GRID1: variants seen among roughly 807,000 people sequenced by gnomAD.
The protein encoded by GRID1 is glutamate ionotropic receptor delta type subunit 1.
Under a neutral mutation model 98.0 loss-of-function variants are expected in GRID1, and 28 were observed. That is an observed-to-expected ratio of 0.29 (90% CI 0.21 to 0.39). GRID1 has a LOEUF of 0.39. Among genes scored for constraint, GRID1 ranks in the 10% least tolerant of loss-of-function variants. The pLI is 1.00. For synonymous variants in GRID1, 553 were observed against 538.5 expected (o/e 1.03, Z -0.37); for missense variants, 1,111 against 1,340.5 (o/e 0.83, Z 2.67).
intron 8 of GRID1, among the ~76,000 whole-genome samples, chr10:85,781,216 T>A (rs1195204113): frequency 6.6e-6 from 1 of 152,170 alleles, no homozygotes; most frequent in African/African-American, 2.4e-5. Context: ...AGAACCCAAT[T>A]TTAAAAAATC....
At chr10:86,037,955 G>A (rs1388923354) in intron 4 of GRID1, among the ~76,000 whole-genome samples, 1 of 151,972 alleles carries the variant, frequency 6.6e-6, no homozygotes, top group Non-Finnish European at 1.5e-5. Context: ...TTAAAGAGGT[G>A]GTTAAGTTAA....
At chr10:85,753,266 A>C (rs1024496190) in intron 8 of GRID1, among the ~76,000 whole-genome samples, 2 of 152,204 alleles carry the variant, frequency 1.3e-5, no homozygotes, top group African/African-American at 4.8e-5. Context: ...TGAAAATTAA[A>C]ATAAGTGGTC....
intron 3 of GRID1, among the ~76,000 whole-genome samples, chr10:86,168,202 T>G (rs1336934276): frequency 6.6e-6 from 1 of 152,230 alleles, no homozygotes; most frequent in Non-Finnish European, 1.5e-5. Flanking sequence ...AGCGTGGACC[T>G]TCGAGTCTAA....
At chr10:85,781,820 C>T (rs1216962180) in intron 8 of GRID1, among the ~76,000 whole-genome samples, 1 of 143,810 alleles carries the variant, frequency 7.0e-6, no homozygotes, top group East Asian at 2.2e-4. Flanking sequence ...AAAAAAAAAC[C>T]AAAAACTAGT....
chr10:85,881,783 T>C (rs1355302001), intron 5 of GRID1, among the ~76,000 whole-genome samples: 1 of 152,068 alleles, frequency 6.6e-6, no homozygotes, highest in African/African-American at 2.4e-5. Flanking sequence ...TGGGATCTAA[T>C]TAAACTAAAG....
intron 2 of GRID1, among the ~76,000 whole-genome samples, chr10:86,356,213 G>C (rs960873236): frequency 6.6e-6 from 1 of 152,182 alleles, no homozygotes; most frequent in African/African-American, 2.4e-5. Flanking sequence ...GCAGAGGAGG[G>C]ACAAGTCGCT....
intron 12 of GRID1, among the ~76,000 whole-genome samples, chr10:85,686,011 C>T (rs981693803): frequency 2.6e-5 from 4 of 151,880 alleles, no homozygotes; most frequent in Non-Finnish European, 5.9e-5. Flanking sequence ...CATAAAGGTG[C>T]CAATTATCCC....
chr10:85,910,437 G>A (rs930129523), intron 5 of GRID1, among the ~76,000 whole-genome samples: 4 of 152,194 alleles, frequency 2.6e-5, no homozygotes, highest in Non-Finnish European at 4.4e-5. Context: ...CTTTAGGATA[G>A]GGAAGATTTG....
At chr10:86,224,304 A>C (rs1846306662) in intron 2 of GRID1, among the ~76,000 whole-genome samples, 1 of 152,210 alleles carries the variant, frequency 6.6e-6, no homozygotes, top group Non-Finnish European at 1.5e-5. Context: ...GCAGAGCCTT[A>C]CCAGAGAGGG....
intron 8 of GRID1, among the ~76,000 whole-genome samples, chr10:85,796,543 C>A (rs1357754927): frequency 1.3e-5 from 2 of 152,004 alleles, no homozygotes; most frequent in African/African-American, 2.4e-5. Flanking sequence ...ATATAAAAGG[C>A]TCAGAAATAA....
intron 8 of GRID1, among the ~76,000 whole-genome samples, chr10:85,804,024 T>C (rs1842600100): frequency 6.6e-6 from 1 of 150,770 alleles, no homozygotes; most frequent in South Asian, 2.1e-4. Flanking sequence ...TAAATAGAAT[T>C]AATGGAACAC....
At chr10:85,692,415 A>G (rs1373000358) in intron 12 of GRID1, among the ~76,000 whole-genome samples, 1 of 152,122 alleles carries the variant, frequency 6.6e-6, no homozygotes, top group East Asian at 1.9e-4. Context: ...CAGTCCCAGC[A>G]CTTTGGGAGG....
chr10:85,841,001 A>G (rs1012442974), intron 8 of GRID1, among the ~76,000 whole-genome samples: 6 of 152,194 alleles, frequency 3.9e-5, no homozygotes, highest in African/African-American at 1.4e-4. Context: ...TAAAATTCAT[A>G]TGGAACCAAA....
intron 2 of GRID1, among the ~76,000 whole-genome samples, chr10:86,273,090 G>C (rs1313223968): frequency 2.0e-5 from 3 of 150,804 alleles, no homozygotes; most frequent in Non-Finnish European, 4.4e-5. Flanking sequence ...AGTCCCCAGA[G>C]TGTGATGTTC....
intron 5 of GRID1, among the ~76,000 whole-genome samples, chr10:85,881,537 T>G (rs1294914484): frequency 6.6e-6 from 1 of 152,212 alleles, no homozygotes; most frequent in African/African-American, 2.4e-5. Flanking sequence ...GATTCCCTAT[T>G]TAATAAATGG....
intron 4 of GRID1, among the ~76,000 whole-genome samples, chr10:86,120,883 T>C (rs1844655030): frequency 6.6e-6 from 1 of 152,040 alleles, no homozygotes; most frequent in Non-Finnish European, 1.5e-5. Flanking sequence ...GCCACCAACC[T>C]CCAAGTAGAA....
intron 2 of GRID1, among the ~76,000 whole-genome samples, chr10:86,244,532 T>C (rs1846690555): frequency 6.6e-6 from 1 of 152,200 alleles, no homozygotes; most frequent in African/African-American, 2.4e-5. Context: ...ACCGCACCAT[T>C]ATGCTAAGCA....
intron 4 of GRID1, among the ~76,000 whole-genome samples, chr10:86,075,783 A>G (rs145699050): frequency 3.2e-4 from 49 of 152,346 alleles, no homozygotes; most frequent in Non-Finnish European, 4.4e-4. Flanking sequence ...ATAGGCAAAC[A>G]GAAAACACCA....
intron 8 of GRID1, among the ~76,000 whole-genome samples, chr10:85,746,188 CA>C (rs1841994949): frequency 6.6e-6 from 1 of 152,176 alleles, no homozygotes; most frequent in African/African-American, 2.4e-5. Context: ...AATCTGTACT[CA>C]AAGAGCTTCA....
Sources: gnomAD v4.1 joint callset for allele counts (sites outside exome capture counted in the v4.1 genomes callset) on GRCh38, gnomAD v4.1.1 for gene constraint, MANE v1.5 for transcripts, NCBI Gene and HGNC (gene_info 2026-07-23, HGNC 2026-07-21) for gene names.